CPA6: variants seen among roughly 807,000 people sequenced by gnomAD.
The protein encoded by CPA6 is carboxypeptidase A6, also known as carboxypeptidase B.
In CPA6, 58 loss-of-function variants were observed where a neutral mutation model predicts 63.3. That is an observed-to-expected ratio of 0.92 (90% CI 0.74 to 1.14). CPA6 has a LOEUF of 1.14. CPA6 is among the 50% of genes most tolerant of loss of function. The pLI is 0.00. For missense variants in CPA6, 565 were observed against 526.6 expected, an observed-to-expected ratio of 1.07 and a Z score of -0.71; for synonymous variants, 185 against 179.0, an observed-to-expected ratio of 1.03 and a Z score of -0.27.
At chr8:67,596,494 C>T (rs139501048) in intron 2 of CPA6, among the ~76,000 whole-genome samples, 2 of 149,638 alleles carry the variant, frequency 1.3e-5, no homozygotes, top group Non-Finnish European at 3.0e-5. Flanking sequence ...GTCATTGCCT[C>T]TTTGTAGTTT....
At chr8:67,621,953 T>C (rs1001530644) in intron 2 of CPA6, among the ~76,000 whole-genome samples, 2 of 152,224 alleles carry the variant, frequency 1.3e-5, no homozygotes, top group African/African-American at 4.8e-5. Flanking sequence ...CCAGCAGCCC[T>C]ATTTACAGTC....
At chr8:67,461,701 C>G (rs999260523) in intron 8 of CPA6, among the ~76,000 whole-genome samples, 6 of 151,734 alleles carry the variant, frequency 4.0e-5, no homozygotes, top group African/African-American at 1.2e-4. Context: ...CTGACCCCCC[C>G]ACTTCCCTCC....
intron 1 of CPA6, among the ~76,000 whole-genome samples, chr8:67,715,019 C>T (rs989923872): frequency 3.3e-5 from 5 of 152,140 alleles, no homozygotes; most frequent in African/African-American, 9.7e-5. Flanking sequence ...CTTAAGTCAC[C>T]GATAAGAGAA....
At chr8:67,543,792 T>TTATTATTATTAC (rs1269990517) in intron 2 of CPA6, among the ~76,000 whole-genome samples, 24 of 151,216 alleles carry the variant, frequency 1.6e-4, no homozygotes, top group Non-Finnish European at 3.1e-4. Context: ...ATTATTATTA[T>TTATTATTATTAC]TATTTTTAAG....
intron 8 of CPA6, among the ~76,000 whole-genome samples, chr8:67,470,148 G>A (rs1489631054): frequency 1.3e-5 from 2 of 151,226 alleles, no homozygotes; most frequent in East Asian, 2.0e-4. Flanking sequence ...TCCCACCTCA[G>A]CCTCCCAAGT....
intron 3 of CPA6, among the ~76,000 whole-genome samples, chr8:67,512,162 A>G (rs1812055323): frequency 6.6e-6 from 1 of 152,212 alleles, no homozygotes; most frequent in Non-Finnish European, 1.5e-5. Context: ...TGGAAGGTGA[A>G]CCCAAATTCC....
chr8:67,645,384 A>G (rs1435724663), intron 1 of CPA6, among the ~76,000 whole-genome samples: 1 of 152,220 alleles, frequency 6.6e-6, no homozygotes, highest in Non-Finnish European at 1.5e-5. Flanking sequence ...TCGGTAAAAA[A>G]ATGTTGAAGA....
At chr8:67,661,223 A>G (rs554276742) in intron 1 of CPA6, among the ~76,000 whole-genome samples, 1 of 152,240 alleles carries the variant, frequency 6.6e-6, no homozygotes, top group East Asian at 1.9e-4. Flanking sequence ...AGCCACATGG[A>G]CCTCTGGGGG....
chr8:67,736,309 C>T (rs926220742), intron 1 of CPA6, among the ~76,000 whole-genome samples: 22 of 152,166 alleles, frequency 1.4e-4, no homozygotes, highest in African/African-American at 4.8e-4. Flanking sequence ...CCACATTGCC[C>T]TCACCCCCAC....
chr8:67,444,814 G>A (rs1273025993), intron 8 of CPA6, among the ~76,000 whole-genome samples: 1 of 149,522 alleles, frequency 6.7e-6, no homozygotes. Flanking sequence ...TGAATAAAAA[G>A]CTTCAAACTG....
chr8:67,569,604 AC>A, intron 2 of CPA6: 1 of 446,040 alleles, frequency 2.2e-6, no homozygotes, highest in Admixed American at 2.5e-5. Context: ...TTGATGAAGA[AC>A]CAGTCAATAA....
intron 2 of CPA6, among the ~76,000 whole-genome samples, chr8:67,522,532 A>G (rs1812280595): frequency 6.6e-6 from 1 of 152,228 alleles, no homozygotes; most frequent in Non-Finnish European, 1.5e-5. Context: ...TGAACAAGCT[A>G]TGACATGCTG....
At chr8:67,616,255 G>C (rs1814945258) in intron 2 of CPA6, among the ~76,000 whole-genome samples, 1 of 152,168 alleles carries the variant, frequency 6.6e-6, no homozygotes, top group Non-Finnish European at 1.5e-5. Context: ...GTTGACTATG[G>C]TGAACACTTA....
intron 1 of CPA6, among the ~76,000 whole-genome samples, chr8:67,719,974 C>T (rs578221134): frequency 2.0e-5 from 3 of 152,166 alleles, no homozygotes; most frequent in East Asian, 1.9e-4. Context: ...CTTTCATGCG[C>T]GTCCGTGTGA....
chr8:67,680,924 T>C (rs1816578225), intron 1 of CPA6, among the ~76,000 whole-genome samples: 1 of 152,204 alleles, frequency 6.6e-6, no homozygotes, highest in African/African-American at 2.4e-5. Flanking sequence ...TTGAAATACT[T>C]TGCTCATTTT....
At chr8:67,593,058 G>A (rs1430016250) in intron 2 of CPA6, among the ~76,000 whole-genome samples, 7 of 150,028 alleles carry the variant, frequency 4.7e-5, no homozygotes, top group African/African-American at 1.7e-4. Flanking sequence ...TGCTTTGAAT[G>A]TGTCCCAGAG....
chr8:67,631,770 A>T (rs1188778605), intron 1 of CPA6, among the ~76,000 whole-genome samples: 1 of 152,202 alleles, frequency 6.6e-6, no homozygotes, highest in Non-Finnish European at 1.5e-5. Flanking sequence ...ACTCACTGCG[A>T]AGATCTGCAG....
intron 9 of CPA6, among the ~76,000 whole-genome samples, chr8:67,430,392 C>T (rs1379244774): frequency 1.3e-5 from 2 of 151,884 alleles, no homozygotes; most frequent in East Asian, 3.9e-4. Context: ...GTTGGTCAGG[C>T]TGGTCTCAAA....
intron 2 of CPA6, among the ~76,000 whole-genome samples, chr8:67,525,718 C>T (rs189169756): frequency 9.2e-5 from 14 of 152,272 alleles, no homozygotes; most frequent in African/African-American, 3.4e-4. Flanking sequence ...ATTGTTGAGG[C>T]CCATCAATCA....
Sources: allele counts gnomAD v4.1 joint callset (sites outside exome capture counted in the v4.1 genomes callset), GRCh38; gene constraint gnomAD v4.1.1; transcripts MANE v1.5; gene names NCBI Gene and HGNC (gene_info 2026-07-23, HGNC 2026-07-21).